The following HSF5 variants were observed in gnomAD, a reference collection of about 807,000 sequenced individuals.
HSF5 encodes the protein heat shock factor protein 5.
A neutral mutation model predicts 50.8 loss-of-function variants in HSF5; 5 were observed. The ratio of observed to expected loss-of-function variants is 0.10; its 90% CI spans 0.05 to 0.21. The LOEUF (loss-of-function observed/expected upper bound fraction) is 0.21, where lower values mean the gene tolerates loss of function less well. Ranked by LOEUF, HSF5 falls within the 10% of genes least tolerant of loss-of-function variation. HSF5 has a pLI of 1.00. For missense variants in HSF5, 564 were observed against 762.6 expected (o/e 0.74, Z 3.07); for synonymous variants, 307 against 307.4 (o/e 1.00, Z 0.02).
rs559653298 is a variant in HSF5, at chr17:58,454,883, T to C, written c.1720+3885A>G. 4.6e-5 allele frequency among the ~76,000 whole-genome samples: 7 copies of C among 152,304 alleles called. No individual in the cohort carries two copies. In the South Asian group the frequency reaches 1.4e-3, roughly 32 times the overall value. ...ATGTGCATGGATTGGAAGATTATTG[T>C]TAAAATGTCCATATTACCCAAAGTG... is the stretch of plus-strand genomic sequence containing the variant. On this transcript the variant is annotated intron_variant, in intron 5 of 5. Coordinates refer to ENST00000323777, the MANE Select transcript of HSF5 (RefSeq NM_001080439.3).
At chr17:58,486,981 T>C (rs1277994516) in intron 1 of HSF5, among the ~76,000 whole-genome samples, 2 of 148,960 alleles carry the variant, frequency 1.3e-5, no homozygotes, top group African/African-American at 4.9e-5. Flanking sequence ...TATCTCGGCT[T>C]ACTGCAACCT....
intron 5 of HSF5, among the ~76,000 whole-genome samples, chr17:58,424,199 A>C (rs1222764965): frequency 6.6e-6 from 1 of 152,044 alleles, no homozygotes; most frequent in African/African-American, 2.4e-5. Flanking sequence ...ACAGCAGTAT[A>C]ATCAGCAGTA....
chr17:58,436,329 C>T (rs370406581), intron 5 of HSF5, among the ~76,000 whole-genome samples: 3 of 150,782 alleles, frequency 2.0e-5, no homozygotes, highest in South Asian at 4.2e-4. Context: ...TTTCTGCCTA[C>T]ACTTTAATTA....
At chr17:58,472,283 A>T (rs1212611651) in intron 2 of HSF5, among the ~76,000 whole-genome samples, 1 of 152,180 alleles carries the variant, frequency 6.6e-6, no homozygotes, top group East Asian at 1.9e-4. Flanking sequence ...TCTGGACAAC[A>T]AAGCAAGACC....
intron 5 of HSF5, among the ~76,000 whole-genome samples, chr17:58,453,233 C>CA (rs201167470): frequency 6.2e-4 from 94 of 151,820 alleles, no homozygotes; most frequent in African/African-American, 2.0e-3. Context: ...AAAAACACAA[C>CA]AACAAAAAAA....
At chr17:58,428,685 T>C (rs1307557723) in intron 5 of HSF5, among the ~76,000 whole-genome samples, 2 of 151,830 alleles carry the variant, frequency 1.3e-5, no homozygotes, top group East Asian at 3.9e-4. Context: ...CCACAACGAA[T>C]TACACCTCAC....
chr17:58,455,117 C>T (rs1016120120), intron 5 of HSF5, among the ~76,000 whole-genome samples: 1 of 152,070 alleles, frequency 6.6e-6, no homozygotes, highest in Non-Finnish European at 1.5e-5. Flanking sequence ...ATGGTACAGG[C>T]ATAAAAATAG....
chr17:58,469,101 A>C (rs1430703126), intron 2 of HSF5, among the ~76,000 whole-genome samples: 1 of 151,204 alleles, frequency 6.6e-6, no homozygotes, highest in Non-Finnish European at 1.5e-5. Flanking sequence ...GGGAAGGGAA[A>C]AAAAAAAAAA....
intron 5 of HSF5, among the ~76,000 whole-genome samples, chr17:58,444,868 C>T (rs1367397010): frequency 6.6e-6 from 1 of 152,136 alleles, no homozygotes; most frequent in East Asian, 1.9e-4. Context: ...GTTTTAAAAA[C>T]TCCTACAACT....
Position 58,488,402 on chromosome 17 carries a change from G to A in HSF5, c.-128C>T. The A allele has an allele frequency of 7.8e-7, 1 of 1,280,402 alleles. No homozygotes were observed. Among genetic ancestry groups the A allele is most frequent in the South Asian group, 2.8e-5 (1 of 35,686 alleles). 79.3% of individuals were successfully genotyped at this position (1,280,402 alleles called of 1,614,324 possible). ...CATCCGCCGCGTACCAGGGACCGTTGGCGCACGAGGCCCCGCGGCGCCTCC... is the reference window on the plus strand; with the variant it reads ...CATCCGCCGCGTACCAGGGACCGTTAGCGCACGAGGCCCCGCGGCGCCTCC... On this transcript the variant is annotated 5_prime_UTR_variant, in exon 1 of 6. Coordinates refer to ENST00000323777, the MANE Select transcript of HSF5 (RefSeq NM_001080439.3). This position sits in a 1 kb window ranked among gnomAD's most constrained non-coding sequence, Gnocchi z 4.1.
At position 58,487,782 on chromosome 17, in the gene HSF5, C is replaced by T. The variant is rs199938494; in HGVS notation, c.493G>A (p.Ala165Thr). The T allele has an allele frequency of 2.0e-6, 3 of 1,499,100 alleles. No individual in the cohort carries two copies. Among genetic ancestry groups the T allele is most frequent in the Middle Eastern group, 2.4e-4 (1 of 4,222 alleles). 92.9% of individuals were successfully genotyped at this position (1,499,100 alleles called of 1,614,324 possible). The change falls in exon 1 of 6, where the codon GCG becomes ACG. Residue 165 changes from alanine to threonine, a missense_variant. By Grantham distance (58) the Ala-to-Thr change is moderately conservative (BLOSUM62 0). This residue lies in a region of HSF5 where 441 missense variants were observed against 533.6 expected (regional missense o/e 0.83). Coordinates refer to ENST00000323777, the MANE Select transcript of HSF5 (RefSeq NM_001080439.3). ...GGCGGCTGCTGGTGCTGCAGTGGCG[C>T]GGTGGCGGCGGAGGCCGAGGTGATG... ...LLITSASAAT[A>T]PLQHQQPPPP...
At chr17:58,450,740 C>T (rs147139468) in intron 5 of HSF5, among the ~76,000 whole-genome samples, 1,649 of 136,250 alleles carry the variant, frequency 0.012, 14 homozygotes, top group African/African-American at 0.027. Flanking sequence ...GCAACAAGAG[C>T]GAAACTCCAT....
intron 1 of HSF5, 61 bp downstream of exon 1, chr17:58,487,664 C>T: frequency 7.4e-7 from 1 of 1,353,930 alleles, no homozygotes; most frequent in Non-Finnish European, 9.4e-7. Flanking sequence ...CCTCCAGCGG[C>T]GGTTGCTCCC....
At position 58,428,445 on chromosome 17, in the gene HSF5, G is replaced by A. The variant is rs373542662; in HGVS notation, c.1721-6015C>T. Among the ~76,000 whole-genome samples, 160 of 152,244 alleles carry A rather than the reference G, an allele frequency of 1.1e-3. 1 individual carries two copies. The highest frequency in any genetic ancestry group is 0.01 in the Middle Eastern group (3 of 294). On this transcript the variant is annotated intron_variant, in intron 5 of 5. Coordinates refer to ENST00000323777, the MANE Select transcript of HSF5 (RefSeq NM_001080439.3). Reference sequence around the variant, plus strand: ...GAGGCCGAGGTGGGCAGATCACGAGGTCAGGAGATCGAGACCATCCTGGCT... The same window carrying A: ...GAGGCCGAGGTGGGCAGATCACGAGATCAGGAGATCGAGACCATCCTGGCT...
intron 3 of HSF5, among the ~76,000 whole-genome samples, chr17:58,465,133 TCTCCCTCC>T (rs966989831): frequency 2.1e-5 from 3 of 142,264 alleles, no homozygotes; most frequent in Non-Finnish European, 4.6e-5. Flanking sequence ...ACCCTTTCTC[TCTCCCTCC>T]CTCCCTCCCT....
In HSF5 at chr17:58,421,365, C is replaced by T. The variant is rs1263526205; in HGVS notation, c.*995G>A. 1.3e-5 allele frequency: 2 copies of T among 152,576 alleles called. No homozygotes were observed. The highest frequency in any genetic ancestry group is 3.8e-4 in the East Asian group (2 of 5,196). The allele number at this position is 152,576 out of a possible 1,614,324, so 9.5% of individuals were successfully genotyped here. A position where few individuals can be genotyped will look rare whatever the true frequency, so the allele number is the denominator to read the frequency against. On this transcript the variant is annotated 3_prime_UTR_variant, in exon 6 of 6. Transcript: ENST00000323777. ...TAATCAGTTTTTTCCCAAATTTGCA[C>T]ACAATACCTTATATAGATGAGAATT... is the stretch of plus-strand genomic sequence containing the variant.
At chr17:58,440,335 T>C (rs1373762225) in intron 5 of HSF5, among the ~76,000 whole-genome samples, 1 of 152,098 alleles carries the variant, frequency 6.6e-6, no homozygotes, top group African/African-American at 2.4e-5. Context: ...AGGATCTCAA[T>C]AAGCTGCACC....
At chr17:58,448,735 GCAA>G (rs71143247) in intron 5 of HSF5, among the ~76,000 whole-genome samples, 22,415 of 152,100 alleles carry the variant, frequency 0.15, 2,099 homozygotes, top group Non-Finnish European at 0.21. Context: ...TGTTAAATGT[GCAA>G]CAAGAAAACA....
chr17:58,433,177 T>G (rs995090794), intron 5 of HSF5, among the ~76,000 whole-genome samples: 2 of 152,136 alleles, frequency 1.3e-5, no homozygotes, highest in African/African-American at 4.8e-5. Flanking sequence ...CCAAGCATGT[T>G]TTTTGTAGAG....
Sources: allele counts gnomAD v4.1 joint callset (sites outside exome capture counted in the v4.1 genomes callset), GRCh38; gene constraint gnomAD v4.1.1; regional missense constraint gnomAD v4.1.1; non-coding constraint Gnocchi (gnomAD v3.1); transcripts MANE v1.5; gene names NCBI Gene and HGNC (gene_info 2026-07-23, HGNC 2026-07-21).